Variants in ECE1 observed in about 807,000 individuals in gnomAD.
The protein encoded by ECE1 is endothelin-converting enzyme 1.
ECE1 carries 35 observed loss-of-function variants against 98.6 expected under a neutral mutation model. That is an observed-to-expected ratio of 0.35 (90% CI 0.27 to 0.47). The LOEUF (loss-of-function observed/expected upper bound fraction) is 0.47. Among genes scored for constraint, ECE1 ranks in the 20% least tolerant of loss-of-function variants. ECE1 has a pLI of 1.00. For missense variants in ECE1, 814 were observed against 1,025.3 expected, an observed-to-expected ratio of 0.79 and a Z score of 2.81; for synonymous variants, 394 against 407.1, an observed-to-expected ratio of 0.97 and a Z score of 0.39.
rs113393412 is a variant in ECE1, at chr1:21,340,765, T to A, written c.3+4611A>T. Among the ~76,000 whole-genome samples the A allele has an allele frequency of 0.055, 8,371 of 152,166 alleles. 758 individuals carry two copies. Among genetic ancestry groups the A allele is most frequent in the African/African-American group, 0.19 (7,796 of 41,470 alleles). On this transcript the variant is annotated intron_variant, in intron 1 of 18. Transcript: ENST00000415912. This position sits in a 1 kb window ranked among gnomAD's most constrained non-coding sequence, Gnocchi z 4.6. Reference sequence around the variant, plus strand: ...GGAGAATCACTTGAACCAGGGAGGCTGAGGCTGCAGTGAGCTGAGATTGCA... The same window carrying A: ...GGAGAATCACTTGAACCAGGGAGGCAGAGGCTGCAGTGAGCTGAGATTGCA...
chr1:21,313,491 G>A (rs3026836), intron 1 of ECE1, among the ~76,000 whole-genome samples: 6,425 of 152,254 alleles, frequency 0.042, 140 homozygotes, highest in South Asian at 0.074. Context: ...TCTTGGTCCA[G>A]AGTGGTCCCA....
intron 2 of ECE1, among the ~76,000 whole-genome samples, chr1:21,281,294 C>T (rs1335527874): frequency 6.6e-6 from 1 of 152,192 alleles, no homozygotes; most frequent in Non-Finnish European, 1.5e-5. Flanking sequence ...ACTGAAGCAG[C>T]TGGGTCAGGC....
At chr1:21,221,936 G>A in intron 17 of ECE1, 94 bp from the exon 18 acceptor site, 1 of 1,108,808 alleles carries the variant, frequency 9.0e-7, no homozygotes, top group Non-Finnish European at 1.4e-6. Context: ...CCCCGTGTTG[G>A]GGCAAGGACT....
intron 13 of ECE1, among the ~76,000 whole-genome samples, chr1:21,234,968 A>T (rs1000080400): frequency 6.6e-6 from 1 of 152,126 alleles, no homozygotes; most frequent in Admixed American, 6.6e-5. Context: ...TCTCAGAATG[A>T]GTCTTTATAG....
At chr1:21,287,370 AC>A (rs1404123827) in intron 2 of ECE1, among the ~76,000 whole-genome samples, 2 of 152,192 alleles carry the variant, frequency 1.3e-5, no homozygotes, top group Non-Finnish European at 2.9e-5. Context: ...TACTGAAAAT[AC>A]AAGTATTAGC....
In ECE1 at chr1:21,327,390, G is replaced by T. The variant is rs1228877323; in HGVS notation, c.3+17986C>A. On this transcript the variant is annotated intron_variant, in intron 1 of 18. Coordinates refer to the ECE1 transcript ENST00000415912. This position sits in a 1 kb window ranked among gnomAD's most constrained non-coding sequence, Gnocchi z 4.6. ...CCTGCCCCACTCCAATCAATCACCA[G>T]GCCCTGCCCACTCTACTCAGTTTCT... Among the ~76,000 whole-genome samples, 1 of 152,104 alleles carries T rather than the reference G, an allele frequency of 6.6e-6. No individual in the cohort carries two copies. Among genetic ancestry groups the T allele is most frequent in the African/African-American group, 2.4e-5 (1 of 41,414 alleles).
intron 2 of ECE1, chr1:21,280,001 A>T (rs2098252532): frequency 6.5e-6 from 1 of 153,016 alleles, no homozygotes; most frequent in Non-Finnish European, 1.5e-5. Context: ...CAGAGATGCA[A>T]GGAGAAATAG....
chr1:21,244,763 T>C (rs1437908141), intron 10 of ECE1, among the ~76,000 whole-genome samples: 1 of 152,166 alleles, frequency 6.6e-6, no homozygotes, highest in Non-Finnish European at 1.5e-5. Context: ...GTGAGGATCA[T>C]GAGTTGTTCA....
chr1:21,262,570 G>A (rs2098228453), intron 4 of ECE1, among the ~76,000 whole-genome samples: 1 of 152,208 alleles, frequency 6.6e-6, no homozygotes, highest in Non-Finnish European at 1.5e-5. Flanking sequence ...GGCACTCTGT[G>A]TGCTCTGGCC....
chr1:21,271,389 A>G (rs1441100283), intron 4 of ECE1, among the ~76,000 whole-genome samples: 1 of 152,204 alleles, frequency 6.6e-6, no homozygotes, highest in East Asian at 1.9e-4. Context: ...GTCTCTTAAG[A>G]TTCGTGTCCC....
intron 1 of ECE1, among the ~76,000 whole-genome samples, chr1:21,334,642 TG>T (rs1639272623): frequency 6.6e-6 from 1 of 152,174 alleles, no homozygotes. Flanking sequence ...CTGGTCACTC[TG>T]GGAGAATCCC....
chr1:21,297,544 T>C (rs1198603534), intron 1 of ECE1, among the ~76,000 whole-genome samples: 1 of 149,056 alleles, frequency 6.7e-6, no homozygotes, highest in African/African-American at 2.5e-5. Flanking sequence ...TTTTTTTTTT[T>C]TTTTTGAGAC....
intron 1 of ECE1, chr1:21,299,007 G>A: frequency 2.5e-6 from 1 of 393,706 alleles, no homozygotes; most frequent in Non-Finnish European, 5.2e-6. Flanking sequence ...CCTGGACTGT[G>A]TGATGACCAG....
chr1:21,279,482 C>A, intron 2 of ECE1, 150 bp from the exon 3 acceptor site: 1 of 1,506,004 alleles, frequency 6.6e-7, no homozygotes. Flanking sequence ...ACAGATTCAG[C>A]CCTAATCCAG....
intron 1 of ECE1, among the ~76,000 whole-genome samples, chr1:21,315,760 A>C (rs1457650330): frequency 1.3e-5 from 2 of 148,318 alleles, no homozygotes; most frequent in African/African-American, 5.0e-5. Flanking sequence ...ACTGCACTCC[A>C]GCCTGGGTGA....
rs1378934060 is a variant in ECE1 at position 21,235,055 on chromosome 1, T to A, written c.1566+795A>T. 6.6e-6 allele frequency among the ~76,000 whole-genome samples: 1 copy of A among 152,122 alleles called. No homozygotes were observed. The highest frequency in any genetic ancestry group is 1.5e-5 in the Non-Finnish European group (1 of 68,032). ...CTGAATTCAGGCTGGGCATGGTGGC[T>A]CATGAATATGAGCCAGCCTGGGAGG... On this transcript the variant is annotated intron_variant, in intron 13 of 18. Coordinates refer to ENST00000374893, the MANE Select transcript of ECE1 (RefSeq NM_001397.3). The surrounding 1 kb of genome is among the most constrained non-coding windows in gnomAD (Gnocchi z 4.2).
At chr1:21,313,784 T>C (rs1021888805) in intron 1 of ECE1, among the ~76,000 whole-genome samples, 3 of 152,270 alleles carry the variant, frequency 2.0e-5, no homozygotes, top group African/African-American at 7.2e-5. Context: ...TGGGCTATGG[T>C]GGGAATTAAG....
chr1:21,218,824 C>T lies in ECE1; in HGVS notation c.*1131G>A, dbSNP rs1357902935. The T allele has an allele frequency of 2.0e-5, 3 of 152,206 alleles. No individual in the cohort carries two copies. Among genetic ancestry groups the T allele is most frequent in the Non-Finnish European group, 4.4e-5 (3 of 68,092 alleles). 9.4% of individuals were successfully genotyped at this position (152,206 alleles called of 1,614,324 possible). ...CAGGCTGGTCTCAAACTCCTGACCT[C>T]AGGTGATCCGCCCACCTCAACCTCC... is the stretch of plus-strand genomic sequence containing the variant. On this transcript the variant is annotated 3_prime_UTR_variant, in exon 19 of 19. Transcript: ENST00000374893. The surrounding 1 kb of genome is among the most constrained non-coding windows in gnomAD (Gnocchi z 4.0).
In ECE1 at chr1:21,238,198, T is replaced by G. The variant is rs1416472899; in HGVS notation, c.1325A>C (p.Asn442Thr). Reference sequence around the variant, plus strand: ...CATGGGGCCCAACGCAAAGCCCAGGTTGTTTTCTGTGTCACTCACGCAAAA... The same window carrying G: ...CATGGGGCCCAACGCAAAGCCCAGGGTGTTTTCTGTGTCACTCACGCAAAA... ...WKFCVSDTENNLGFALGPMFV... is the reference protein window; with the variant it reads ...WKFCVSDTENTLGFALGPMFV... The change falls in exon 11 of 19, where the codon AAC (asparagine) becomes ACC (threonine). Residue 442 changes from asparagine (N) to threonine (T), a missense_variant. This residue lies in a region of ECE1 where 452 missense variants were observed against 567.3 expected (regional missense o/e 0.80). Coordinates refer to ENST00000374893, the MANE Select transcript of ECE1 (RefSeq NM_001397.3). 6.2e-7 allele frequency: 1 copy of G among 1,614,240 alleles called. No individual in the cohort carries two copies. Among genetic ancestry groups the G allele is most frequent in the Non-Finnish European group, 8.5e-7 (1 of 1,180,040 alleles).
Sources: gnomAD v4.1 joint callset for allele counts (sites outside exome capture counted in the v4.1 genomes callset) on GRCh38, gnomAD v4.1.1 for gene constraint, gnomAD v4.1.1 regional missense constraint, Gnocchi (gnomAD v3.1) non-coding constraint, MANE v1.5 for transcripts, NCBI Gene and HGNC (gene_info 2026-07-23, HGNC 2026-07-21) for gene names.